MYO9A: variants seen among roughly 807,000 people sequenced by gnomAD.
MYO9A encodes the protein unconventional myosin-IXa.
Under a neutral mutation model 293.3 loss-of-function variants are expected in MYO9A, and 103 were observed. That is an observed-to-expected ratio of 0.35 (90% CI 0.30 to 0.41). The LOEUF is 0.41. Ranked by LOEUF, MYO9A falls within the 10% of genes least tolerant of loss-of-function variation. The probability of loss-of-function intolerance (pLI) is 1.00; values close to 1 mark genes in which losing one functional copy is unlikely to be tolerated. For missense variants in MYO9A, 2,685 were observed against 3,033.0 expected, an observed-to-expected ratio of 0.89 and a Z score of 2.69; for synonymous variants, 1,001 against 1,035.7, an observed-to-expected ratio of 0.97 and a Z score of 0.64.
chr15:71,947,277 T>A (rs1442389760), intron 15 of MYO9A, among the ~76,000 whole-genome samples: 1 of 108,262 alleles, frequency 9.2e-6, no homozygotes, highest in African/African-American at 3.4e-5. Flanking sequence ...CCAGACTCCA[T>A]CTCAGGAAAA....
chr15:72,078,603 C>T (rs2079443384), intron 1 of MYO9A, among the ~76,000 whole-genome samples: 1 of 149,010 alleles, frequency 6.7e-6, no homozygotes, highest in Non-Finnish European at 1.5e-5. Flanking sequence ...TGCTTGAGCC[C>T]AGGAGTTTGG....
chr15:71,917,223 G>A (rs1243307032), intron 18 of MYO9A, among the ~76,000 whole-genome samples: 2 of 152,074 alleles, frequency 1.3e-5, no homozygotes, highest in South Asian at 2.1e-4. Context: ...GGCGACAGTC[G>A]GTGTGCCAGG....
chr15:71,863,333 T>C (rs1366020754), intron 32 of MYO9A, among the ~76,000 whole-genome samples: 1 of 152,094 alleles, frequency 6.6e-6, no homozygotes, highest in Non-Finnish European at 1.5e-5. Flanking sequence ...CTGTTAATAT[T>C]TACTATGCTA....
At chr15:71,886,821 T>G (rs1275496584) in intron 27 of MYO9A, among the ~76,000 whole-genome samples, 2 of 152,122 alleles carry the variant, frequency 1.3e-5, no homozygotes, top group Admixed American at 6.6e-5. Context: ...TAATCTATTA[T>G]TTCCAGATGT....
At chr15:72,058,165 A>G (rs1432681737) in intron 1 of MYO9A, among the ~76,000 whole-genome samples, 3 of 152,250 alleles carry the variant, frequency 2.0e-5, no homozygotes, top group Non-Finnish European at 4.4e-5. Flanking sequence ...ATCCAAACTG[A>G]AGAATTAAGC....
chr15:71,894,595 A>C (rs1357148128), intron 25 of MYO9A, among the ~76,000 whole-genome samples: 2 of 152,276 alleles, frequency 1.3e-5, no homozygotes, highest in East Asian at 3.9e-4. Flanking sequence ...CCAAAAAACA[A>C]ACAAACAAAA....
At chr15:71,991,615 C>G (rs1439130287) in intron 10 of MYO9A, among the ~76,000 whole-genome samples, 1 of 152,192 alleles carries the variant, frequency 6.6e-6, no homozygotes. Flanking sequence ...TAGGTTACTC[C>G]TGGCTATACC....
chr15:71,888,242 G>T, intron 26 of MYO9A, 126 bp from the exon 27 acceptor site: 1 of 502,416 alleles, frequency 2.0e-6, no homozygotes, highest in East Asian at 3.3e-5. Flanking sequence ...ATTATTCAGA[G>T]ATTCATTGAA....
At chr15:72,035,198 A>G (rs1231942859) in intron 2 of MYO9A, among the ~76,000 whole-genome samples, 1 of 152,228 alleles carries the variant, frequency 6.6e-6, no homozygotes, top group African/African-American at 2.4e-5. Flanking sequence ...TCTGGAAGAC[A>G]ATCTAACAAA....
chr15:72,079,665 TGA>T (rs2079480293), intron 1 of MYO9A, among the ~76,000 whole-genome samples: 1 of 152,178 alleles, frequency 6.6e-6, no homozygotes, highest in Admixed American at 6.5e-5. Context: ...GTGAAGGGAA[TGA>T]AAGGAAAAGA....
At chr15:71,936,982 GAGGA>G (rs1200290884) in intron 16 of MYO9A, among the ~76,000 whole-genome samples, 4 of 147,774 alleles carry the variant, frequency 2.7e-5, no homozygotes, top group Non-Finnish European at 6.0e-5. Context: ...GAGAGAGTGA[GAGGA>G]AGGAAGGAAG....
intron 18 of MYO9A, among the ~76,000 whole-genome samples, chr15:71,929,057 G>T (rs1443682687): frequency 2.0e-5 from 3 of 149,450 alleles, no homozygotes; most frequent in Non-Finnish European, 4.4e-5. Flanking sequence ...GTGGCAGAGT[G>T]ATACACTGTC....
chr15:71,826,950 A>G lies in MYO9A; in HGVS notation c.7277T>C (p.Leu2426Ser), dbSNP rs2054529441. ...RKQLKKQQDS[L>S]DVVDSSVSSL... is the part of the protein sequence containing the mutation. ...GGAGACCGAAGAGTCCACGACATCT[A>G]AAGAGTCTTGCTGCTTTTTAAGTTG... The change falls in exon 42 of 42, where the codon TTA becomes TCA. Residue 2426 changes from leucine to serine, a missense_variant. Leu to Ser is a moderately radical substitution (Grantham distance 145). Around this residue, in one of 10 missense-constraint regions of MYO9A, gnomAD observed 350 missense variants for 328.9 expected, o/e 1.06. Transcript: ENST00000356056. The G allele has an allele frequency of 6.2e-6, 10 of 1,613,956 alleles. No individual in the cohort carries two copies. The highest frequency in any genetic ancestry group is 2.7e-5 in the African/African-American group (2 of 74,936).
intron 3 of MYO9A, among the ~76,000 whole-genome samples, chr15:72,030,899 G>A (rs1343007019): frequency 6.6e-6 from 1 of 152,178 alleles, no homozygotes; most frequent in African/African-American, 2.4e-5. Context: ...CCAACCCCCA[G>A]GGCATGGACT....
rs182406554 is a variant in MYO9A at position 72,066,711 on chromosome 15, G to A, written c.-71-20077C>T. 2.0e-3 allele frequency among the ~76,000 whole-genome samples: 305 copies of A among 151,934 alleles called. 3 individuals carry two copies. Among genetic ancestry groups the A allele is most frequent in the African/African-American group, 6.8e-3 (280 of 41,438 alleles). On this transcript the variant is annotated intron_variant, in intron 1 of 41. Coordinates refer to ENST00000356056, the MANE Select transcript of MYO9A (RefSeq NM_006901.4). ...ATCTTAATATGGGTGGTGGATAACCGGTATATACATATGTAAGAAATTTTT... is the reference window on the plus strand; with the variant it reads ...ATCTTAATATGGGTGGTGGATAACCAGTATATACATATGTAAGAAATTTTT...
Position 71,906,754 on chromosome 15 carries a change from CTTTCTT to C in MYO9A, c.2686-1754_2686-1749del, listed in dbSNP as rs1402483662. 1.8e-3 allele frequency among the ~76,000 whole-genome samples: 73 copies of C among 40,966 alleles called. 2 individuals are homozygous for C. The highest frequency in any genetic ancestry group is 5.1e-3 in the African/African-American group (68 of 13,362). The allele number at this position is 40,966 out of a possible 152,430, so 26.9% of individuals were successfully genotyped here. A position where few individuals can be genotyped will look rare whatever the true frequency, so the allele number is the denominator to read the frequency against. On this transcript the variant is annotated intron_variant, in intron 19 of 41. Transcript: ENST00000356056. Reference sequence around the variant, plus strand: ...TTATCCAATCAGATAATATCCATTTCTTTCTTTTTTTTTTTTTTTTTTTTCCTGAGA... The same window carrying C: ...TTATCCAATCAGATAATATCCATTTCTTTTTTTTTTTTTTTTTTCCTGAGA...
At chr15:71,962,625 C>G (rs994158935) in intron 13 of MYO9A, among the ~76,000 whole-genome samples, 1 of 152,194 alleles carries the variant, frequency 6.6e-6, no homozygotes, top group Admixed American at 6.5e-5. Context: ...TTTTACGTAA[C>G]TTATTTTTAC....
intron 40 of MYO9A, among the ~76,000 whole-genome samples, chr15:71,828,964 C>T (rs1595979218): frequency 6.6e-6 from 1 of 152,184 alleles, no homozygotes; most frequent in East Asian, 1.9e-4. Context: ...CTTTACTTCC[C>T]CTTTACCTGG....
intron 25 of MYO9A, among the ~76,000 whole-genome samples, chr15:71,895,580 G>A (rs2057299517): frequency 6.6e-6 from 1 of 151,982 alleles, no homozygotes; most frequent in South Asian, 2.1e-4. Context: ...TGTGGGAACT[G>A]GATTACATAA....
Sources: allele counts gnomAD v4.1 joint callset (sites outside exome capture counted in the v4.1 genomes callset), GRCh38; gene constraint gnomAD v4.1.1; regional missense constraint gnomAD v4.1.1; transcripts MANE v1.5; gene names NCBI Gene and HGNC (gene_info 2026-07-23, HGNC 2026-07-21).